The following DLG2 variants were observed in gnomAD, a reference collection of about 807,000 sequenced individuals.
The protein encoded by DLG2 is disks large homolog 2.
In DLG2, 45 loss-of-function variants were observed where a neutral mutation model predicts 132.5. The observed-to-expected ratio is 0.34, with a 90% CI of 0.27 to 0.44. DLG2 has a LOEUF of 0.44. DLG2 is among the 20% of genes least tolerant of loss of function. The pLI is 1.00. For synonymous variants in DLG2, 424 were observed against 419.6 expected, an observed-to-expected ratio of 1.01 and a Z score of -0.13; for missense variants, 1,045 against 1,196.9, an observed-to-expected ratio of 0.87 and a Z score of 1.87.
chr11:85,043,209 C>T (rs2062024367), intron 6 of DLG2, among the ~76,000 whole-genome samples: 2 of 151,690 alleles, frequency 1.3e-5, no homozygotes, highest in Admixed American at 1.3e-4. Flanking sequence ...CTTTATTCCC[C>T]AGCCCTTTGT....
At chr11:84,118,327 T>C (rs1335292992) in intron 9 of DLG2, among the ~76,000 whole-genome samples, 1 of 152,226 alleles carries the variant, frequency 6.6e-6, no homozygotes, top group Non-Finnish European at 1.5e-5. Flanking sequence ...GTTTGCCCGA[T>C]GGAAGCCTGA....
intron 3 of DLG2, among the ~76,000 whole-genome samples, chr11:85,535,229 G>T (rs114836586): frequency 6.6e-6 from 1 of 152,190 alleles, no homozygotes; most frequent in African/African-American, 2.4e-5. Flanking sequence ...GTGATGCGGA[G>T]TATTTAGCTG....
chr11:85,250,929 A>G (rs1165438718), intron 4 of DLG2, among the ~76,000 whole-genome samples: 1 of 152,114 alleles, frequency 6.6e-6, no homozygotes, highest in African/African-American at 2.4e-5. Flanking sequence ...CCTCCATTAT[A>G]TTTTCCTTGT....
At chr11:85,081,751 A>G (rs1249584347) in intron 6 of DLG2, among the ~76,000 whole-genome samples, 1 of 152,146 alleles carries the variant, frequency 6.6e-6, no homozygotes, top group East Asian at 1.9e-4. Flanking sequence ...TTGCCCTCCA[A>G]TATTCCATTA....
intron 9 of DLG2, among the ~76,000 whole-genome samples, chr11:84,113,003 A>G (rs895442926): frequency 1.3e-5 from 2 of 152,144 alleles, no homozygotes; most frequent in East Asian, 3.8e-4. Context: ...TCAAATAATA[A>G]TATGTTATTT....
chr11:84,427,934 G>A (rs992722694), intron 7 of DLG2, among the ~76,000 whole-genome samples: 2 of 152,190 alleles, frequency 1.3e-5, no homozygotes, highest in African/African-American at 4.8e-5. Context: ...ACAGTGAATG[G>A]TATGATAGGG....
chr11:85,332,247 G>C (rs924243845), intron 3 of DLG2, among the ~76,000 whole-genome samples: 11 of 152,074 alleles, frequency 7.2e-5, no homozygotes, highest in Non-Finnish European at 1.6e-4. Context: ...TGTGTTTGTT[G>C]TCCATAAGTA....
chr11:85,154,850 T>C (rs932874575), intron 4 of DLG2, among the ~76,000 whole-genome samples, 199 bp from the exon 5 acceptor site: 15 of 152,306 alleles, frequency 9.8e-5, no homozygotes, highest in Non-Finnish European at 4.4e-5. Context: ...AATGGGACAG[T>C]TATTCAAAGG....
At chr11:85,436,978 G>T (rs915485971) in intron 3 of DLG2, among the ~76,000 whole-genome samples, 1 of 152,138 alleles carries the variant, frequency 6.6e-6, no homozygotes, top group Non-Finnish European at 1.5e-5. Flanking sequence ...CCATAAAAAG[G>T]AATGAGATCA....
intron 17 of DLG2, among the ~76,000 whole-genome samples, chr11:83,817,973 G>A (rs1042453900): frequency 1.3e-5 from 2 of 152,176 alleles, no homozygotes; most frequent in African/African-American, 2.4e-5. Flanking sequence ...ACCCTTCAGT[G>A]CATCCTTTTT....
chr11:83,894,874 A>G (rs1285312081), intron 15 of DLG2, among the ~76,000 whole-genome samples: 2 of 152,092 alleles, frequency 1.3e-5, no homozygotes, highest in Admixed American at 6.5e-5. Context: ...GCTCCCACTT[A>G]TGAGTGAAAA....
chr11:85,332,794 A>G (rs896986566), intron 3 of DLG2, among the ~76,000 whole-genome samples: 10 of 151,960 alleles, frequency 6.6e-5, no homozygotes, highest in African/African-American at 2.4e-4. Flanking sequence ...CAGGTTCTCT[A>G]ACTTGCTCCA....
At chr11:84,541,676 A>G (rs974335207) in intron 6 of DLG2, among the ~76,000 whole-genome samples, 74 of 152,180 alleles carry the variant, frequency 4.9e-4, no homozygotes, top group African/African-American at 1.7e-3. Context: ...TGACACATAA[A>G]AAGAGATCAG....
intron 18 of DLG2, among the ~76,000 whole-genome samples, chr11:83,669,380 T>G (rs1460057497): frequency 6.6e-6 from 1 of 152,214 alleles, no homozygotes; most frequent in African/African-American, 2.4e-5. Context: ...CTGTGTCTCA[T>G]GGAAGGTGTA....
chr11:83,850,160 GTTT>G (rs145688257), intron 16 of DLG2, among the ~76,000 whole-genome samples: 4 of 124,304 alleles, frequency 3.2e-5, no homozygotes, highest in African/African-American at 1.1e-4. Context: ...GTGTGTGTGT[GTTT>G]TTTTACTTGA....
chr11:84,595,778 A>C (rs1199481908), intron 6 of DLG2, among the ~76,000 whole-genome samples: 1 of 152,254 alleles, frequency 6.6e-6, no homozygotes, highest in East Asian at 1.9e-4. Context: ...TCACAAAATC[A>C]TCCAAATACT....
rs1006229170 is a variant in DLG2 at position 84,931,206 on chromosome 11, T to C, written c.357+180455A>G. Among the ~76,000 whole-genome samples the C allele has an allele frequency of 3.3e-5, 5 of 152,112 alleles. No homozygotes were observed. The East Asian group carries it at 5.8e-4, about 18-fold the overall frequency. On this transcript the variant is annotated intron_variant, in intron 6 of 27. Transcript: ENST00000376104. ...AGGGGTTCATGTTGAGGTTTGTTAA[T>C]AGGTAAACTTGTGTCATGGGGGTTT...
chr11:85,459,265 T>C (rs1438338978), intron 3 of DLG2, among the ~76,000 whole-genome samples: 2 of 152,272 alleles, frequency 1.3e-5, no homozygotes, highest in African/African-American at 2.4e-5. Flanking sequence ...CCACTGCTAC[T>C]GGGAAAATTC....
intron 3 of DLG2, among the ~76,000 whole-genome samples, chr11:85,562,673 T>C (rs1157515247): frequency 6.6e-6 from 1 of 151,626 alleles, no homozygotes; most frequent in African/African-American, 2.4e-5. Context: ...AATGGCCTTG[T>C]CTCATGCCTT....
Sources: allele counts gnomAD v4.1 joint callset (sites outside exome capture counted in the v4.1 genomes callset), GRCh38; gene constraint gnomAD v4.1.1; transcripts MANE v1.5; gene names NCBI Gene and HGNC (gene_info 2026-07-23, HGNC 2026-07-21).